PPP2R2B: variants seen among roughly 807,000 people sequenced by gnomAD.
The protein encoded by PPP2R2B is serine/threonine-protein phosphatase 2A 55 kDa regulatory subunit B beta isoform.
A neutral mutation model predicts 46.0 loss-of-function variants in PPP2R2B; 5 were observed. That is an observed-to-expected ratio of 0.11 (90% CI 0.06 to 0.23). The LOEUF is 0.23. Among genes scored for constraint, PPP2R2B ranks in the 10% least tolerant of loss-of-function variants. The probability of loss-of-function intolerance (pLI) is 1.00; values close to 1 mark genes in which losing one functional copy is unlikely to be tolerated. For missense variants in PPP2R2B, 367 were observed against 575.0 expected (o/e 0.64, Z 3.70); for synonymous variants, 215 against 206.7 (o/e 1.04, Z -0.34).
intron 1 of PPP2R2B, among the ~76,000 whole-genome samples, chr5:146,979,526 C>A (rs1338307053): frequency 6.6e-6 from 1 of 150,404 alleles, no homozygotes; most frequent in Non-Finnish European, 1.5e-5. Context: ...TTAAATGAAC[C>A]AATGAACCAA....
chr5:147,080,708 T>C (rs1048118023), intron 2 of PPP2R2B, among the ~76,000 whole-genome samples: 2 of 152,258 alleles, frequency 1.3e-5, no homozygotes, highest in South Asian at 2.1e-4. Context: ...GTCCTCCACA[T>C]AGAATGAAAG....
chr5:146,681,545 C>T (rs956103208), intron 5 of PPP2R2B, among the ~76,000 whole-genome samples: 3 of 152,180 alleles, frequency 2.0e-5, no homozygotes, highest in Non-Finnish European at 4.4e-5. Flanking sequence ...CTGAAAAATT[C>T]AGAAAATAAA....
intron 2 of PPP2R2B, among the ~76,000 whole-genome samples, chr5:146,726,924 C>G (rs1289047423): frequency 6.6e-6 from 1 of 152,160 alleles, no homozygotes; most frequent in African/African-American, 2.4e-5. Context: ...GGCTTTGTAA[C>G]TAGGATACAC....
At chr5:146,962,306 G>A (rs1752205991) in intron 1 of PPP2R2B, among the ~76,000 whole-genome samples, 1 of 151,078 alleles carries the variant, frequency 6.6e-6, no homozygotes, top group Non-Finnish European at 1.5e-5. Flanking sequence ...TCAGAAGAAG[G>A]TAGAAGAATT....
At chr5:146,694,804 CT>C (rs1779079752) in intron 4 of PPP2R2B, among the ~76,000 whole-genome samples, 1 of 124,046 alleles carries the variant, frequency 8.1e-6, no homozygotes, top group Non-Finnish European at 1.8e-5. Context: ...TTTGTGATTT[CT>C]TTTATATTTA....
chr5:146,725,179 A>G (rs754269899), intron 2 of PPP2R2B, among the ~76,000 whole-genome samples: 18 of 152,128 alleles, frequency 1.2e-4, no homozygotes, highest in Non-Finnish European at 2.1e-4. Context: ...CACAATTTCA[A>G]GAAAACAGTT....
intron 2 of PPP2R2B, among the ~76,000 whole-genome samples, chr5:146,834,634 T>C (rs1759162933): frequency 6.6e-6 from 1 of 152,140 alleles, no homozygotes; most frequent in South Asian, 2.1e-4. Flanking sequence ...GGATTGTGTT[T>C]TGTTGTTTTT....
rs1324388167 is a variant in PPP2R2B, at chr5:147,078,095, T to C, written c.50+2964A>G. Among the ~76,000 whole-genome samples the C allele has an allele frequency of 2.0e-5, 3 of 152,202 alleles. No individual in the cohort carries two copies. The East Asian group carries it at 5.8e-4, about 29-fold the overall frequency. On this transcript the variant is annotated intron_variant, in intron 2 of 10. Coordinates refer to the PPP2R2B transcript ENST00000394413. ...TGGCAATGTACTTAATATTTTTTGTTTGTTTGCTTGACTTCAATATCCTCA... is the reference window on the plus strand; with the variant it reads ...TGGCAATGTACTTAATATTTTTTGTCTGTTTGCTTGACTTCAATATCCTCA...
At chr5:146,969,810 T>C (rs759589208) in intron 1 of PPP2R2B, among the ~76,000 whole-genome samples, 2 of 152,170 alleles carry the variant, frequency 1.3e-5, no homozygotes, top group Non-Finnish European at 2.9e-5. Context: ...GAAGTGGAGA[T>C]GGTGGTAGGG....
chr5:146,980,470 C>A (rs1237569173), intron 1 of PPP2R2B, among the ~76,000 whole-genome samples: 1 of 152,084 alleles, frequency 6.6e-6, no homozygotes, highest in Admixed American at 6.5e-5. Context: ...GACAACCCAC[C>A]CCAGAGATTA....
At chr5:146,792,471 G>A (rs145629654) in intron 2 of PPP2R2B, among the ~76,000 whole-genome samples, 287 of 152,218 alleles carry the variant, frequency 1.9e-3, no homozygotes, top group Non-Finnish European at 3.6e-3. Context: ...AAACAAACAA[G>A]TGTCCTTTTG....
chr5:146,800,910 G>A (rs1215174833), intron 2 of PPP2R2B, among the ~76,000 whole-genome samples: 1 of 150,318 alleles, frequency 6.7e-6, no homozygotes, highest in Non-Finnish European at 1.5e-5. Context: ...TGTGGGGTAT[G>A]TGTACATACA....
At chr5:146,817,811 G>T (rs1429222232) in intron 2 of PPP2R2B, among the ~76,000 whole-genome samples, 6 of 152,278 alleles carry the variant, frequency 3.9e-5, no homozygotes, top group African/African-American at 1.4e-4. Context: ...TTGACCAACG[G>T]TCAAATATTT....
intron 5 of PPP2R2B, among the ~76,000 whole-genome samples, chr5:146,665,182 T>C (rs3096436): frequency 0.94 from 143,335 of 152,268 alleles, 67,824 homozygotes; most frequent in East Asian, 1. Context: ...GCTTTGAAGA[T>C]AGCTATTGAC....
intron 1 of PPP2R2B, among the ~76,000 whole-genome samples, chr5:146,969,962 A>T (rs1012394799): frequency 1.9e-4 from 29 of 152,260 alleles, no homozygotes; most frequent in Middle Eastern, 3.4e-3. Context: ...TGGAAAATGA[A>T]TTTCGGAGTT....
intron 2 of PPP2R2B, among the ~76,000 whole-genome samples, chr5:146,809,142 C>A (rs1757375719): frequency 6.6e-6 from 1 of 152,088 alleles, no homozygotes; most frequent in South Asian, 2.1e-4. Flanking sequence ...CTCTAGTAGA[C>A]CTGCTGAGAC....
At chr5:146,599,728 C>A (rs1454683225) in intron 8 of PPP2R2B, among the ~76,000 whole-genome samples, 3 of 152,138 alleles carry the variant, frequency 2.0e-5, no homozygotes, top group Admixed American at 6.6e-5. Flanking sequence ...ATACATGTGC[C>A]ATGGTGGTTT....
At chr5:146,948,207 G>A (rs912268574) in intron 1 of PPP2R2B, among the ~76,000 whole-genome samples, 1 of 152,224 alleles carries the variant, frequency 6.6e-6, no homozygotes, top group East Asian at 1.9e-4. Flanking sequence ...TCAGAGGCAG[G>A]AAACATTGTT....
At chr5:146,952,500 C>A (rs948154896) in intron 1 of PPP2R2B, among the ~76,000 whole-genome samples, 1 of 151,910 alleles carries the variant, frequency 6.6e-6, no homozygotes, top group Non-Finnish European at 1.5e-5. Flanking sequence ...AAGTTGGGGT[C>A]GATTAATTCC....
Sources: gnomAD v4.1 joint callset for allele counts (sites outside exome capture counted in the v4.1 genomes callset) on GRCh38, gnomAD v4.1.1 for gene constraint, MANE v1.5 for transcripts, NCBI Gene and HGNC (gene_info 2026-07-23, HGNC 2026-07-21) for gene names.